Variants in FLNA observed in about 807,000 individuals in gnomAD.
FLNA encodes filamin-A.
In FLNA, 7 loss-of-function variants were observed where a neutral mutation model predicts 157.6. The observed-to-expected ratio is 0.04, with a 90% confidence interval of 0.03 to 0.08. The LOEUF (loss-of-function observed/expected upper bound fraction) is 0.08. Among genes scored for constraint, FLNA ranks in the 10% least tolerant of loss-of-function variants. The probability of loss-of-function intolerance (pLI) is 1.00; values close to 1 mark genes in which losing one functional copy is unlikely to be tolerated. For synonymous variants in FLNA, 1,103 were observed against 1,060.8 expected, an observed-to-expected ratio of 1.04 and a Z score of -0.77; for missense variants, 1,750 against 2,398.4, an observed-to-expected ratio of 0.73 and a Z score of 5.65.
At chrX:154,368,679 G>A (rs966738377) in intron 2 of FLNA, among the ~76,000 whole-genome samples, 3 of 112,704 alleles carry the variant, frequency 2.7e-5, no homozygotes, top group African/African-American at 9.7e-5. Context: ...TGTGACCCCC[G>A]CCACCACCCC....
Position 154,348,866 on chromosome X carries a change from G to C in FLNA, c.7927C>G (p.Arg2643Gly), listed in dbSNP as rs200836471. The C allele has an allele frequency of 8.3e-7, 1 of 1,207,393 alleles. No homozygotes were observed. The highest frequency in any genetic ancestry group is 1.1e-6 in the Non-Finnish European group (1 of 893,515). The change falls in exon 48 of 48, where the codon CGC (arginine) becomes GGC (glycine). Residue 2643 changes from arginine (R) to glycine (G), a missense_variant. Arg to Gly is a moderately radical substitution (Grantham distance 125). Transcript: ENST00000369850. ...CCCCAGACTCAGGGCACCACAACGCGGTAGGGGCTGCCTGGGATGTGCTCG... is the reference window on the plus strand; with the variant it reads ...CCCCAGACTCAGGGCACCACAACGCCGTAGGGGCTGCCTGGGATGTGCTCG... Reference protein sequence around the residue: ...GDEHIPGSPYRVVVP With the variant: ...GDEHIPGSPYGVVVP
In FLNA at chrX:154,354,980, C is replaced by T. The variant is rs782751731; in HGVS notation, c.5062G>A (p.Val1688Met). The change falls in exon 31 of 48, where the codon GTG becomes ATG. Residue 1688 changes from valine to methionine, a missense_variant. By Grantham distance (21) the Val-to-Met change is conservative. Coordinates refer to ENST00000369850, the MANE Select transcript of FLNA (RefSeq NM_001110556.2). ...AAGKGKVTCT[V>M]CTPDGSEVDV... Reference sequence around the variant, plus strand: ...ACCTCTGAGCCATCAGGCGTGCACACGGTGCACGTCACTTTGCCTTTGCCT... The same window carrying T: ...ACCTCTGAGCCATCAGGCGTGCACATGGTGCACGTCACTTTGCCTTTGCCT... 10 of 1,211,681 alleles carry T rather than the reference C, an allele frequency of 8.3e-6. No homozygotes were observed. In the East Asian group the frequency reaches 1.2e-4, roughly 14 times the overall value.
Position 154,348,727 on chromosome X carries a change from GGGGCGGCTGCAGTGACAGGC to G in FLNA, c.*102_*121del. 1.6e-6 allele frequency: 1 copy of G among 630,036 alleles called. No individual in the cohort carries two copies. 51.9% of individuals were successfully genotyped at this position (630,036 alleles called of 1,213,427 possible). A position where few individuals can be genotyped will look rare whatever the true frequency, so the allele number is the denominator to read the frequency against. ...GGTGAGCGCAGCACGGCACAGGGCAGGGGCGGCTGCAGTGACAGGCGGGCGGCCAGGGCGGCCTGGGCCGG... is the reference window on the plus strand; with the variant it reads ...GGTGAGCGCAGCACGGCACAGGGCAGGGGCGGCCAGGGCGGCCTGGGCCGG... On this transcript the variant is annotated 3_prime_UTR_variant, in exon 48 of 48. Coordinates refer to ENST00000369850, the MANE Select transcript of FLNA (RefSeq NM_001110556.2).
Position 154,348,834 on chromosome X carries a change from G to A in FLNA, c.*15C>T, listed in dbSNP as rs2067594722. ...GGGCAGGCTTGGGGGCTGCCGGCTGGCACGGGCCCCAGACTCAGGGCACCA... is the reference window on the plus strand; with the variant it reads ...GGGCAGGCTTGGGGGCTGCCGGCTGACACGGGCCCCAGACTCAGGGCACCA... On this transcript the variant is annotated 3_prime_UTR_variant, in exon 48 of 48. Transcript: ENST00000369850. The A allele has an allele frequency of 3.4e-6, 4 of 1,190,289 alleles. No homozygotes were observed. The East Asian group carries it at 1.2e-4, about 36-fold the overall frequency.
At position 154,355,010 on chromosome X, in the gene FLNA, C is replaced by T; in HGVS notation, c.5032G>A (p.Ala1678Thr). ...EETVITVDTK[A>T]AGKGKVTCTV... ...CACGTCACTTTGCCTTTGCCTGCCG[C>T]CTTAGTGTCCACAGTGATCACCGTC... Residue 1678 changes from alanine (A) to threonine (T), a missense_variant, in exon 31 of 48, where the codon GCG (alanine) becomes ACG (threonine). Ala to Thr is a moderately conservative substitution (Grantham distance 58). Coordinates refer to ENST00000369850, the MANE Select transcript of FLNA (RefSeq NM_001110556.2). 8.3e-7 allele frequency: 1 copy of T among 1,211,792 alleles called. No individual in the cohort carries two copies. The highest frequency in any genetic ancestry group is 1.8e-5 in the South Asian group (1 of 57,059).
chrX:154,351,306 A>G (rs907707649), intron 43 of FLNA: 94 of 439,016 alleles, frequency 2.1e-4, no homozygotes, highest in Non-Finnish European at 3.3e-4. Flanking sequence ...CAGCCTTGGC[A>G]GGCTGTCCCT....
rs1557175294 is a variant in FLNA, at chrX:154,349,485, G to C, written c.7633C>G (p.Pro2545Ala). 2 of 1,212,201 alleles carry C rather than the reference G, an allele frequency of 1.6e-6. No individual in the cohort carries two copies. The highest frequency in any genetic ancestry group is 4.3e-5 in the Admixed American group (2 of 46,197). The part of the protein sequence containing the change: ...VDSLTKATCA[P>A]QHGAPGPGPA... ...CCAGGACCCGGGGCCCCATGCTGGG[G>C]GGCACAGGTGGCCTTGGTCAGAGAG... The change falls in exon 47 of 48, where the codon CCC (proline) becomes GCC (alanine). Residue 2545 changes from proline (P) to alanine (A), a missense_variant. Physicochemically the swap from Pro to Ala is conservative, Grantham distance 27. Around this residue, in one of 5 missense-constraint regions of FLNA, gnomAD observed 970 missense variants for 1,302.6 expected, o/e 0.74. Coordinates refer to ENST00000369850, the MANE Select transcript of FLNA (RefSeq NM_001110556.2).
rs782289181 is a variant in FLNA at position 154,364,409 on chromosome X, C to T, written c.2023-37G>A. The T allele has an allele frequency of 2.4e-5, 29 of 1,190,989 alleles. No individual in the cohort carries two copies. The East Asian group carries it at 7.7e-4, about 32-fold the overall frequency. On this transcript the variant is annotated intron_variant, in intron 13 of 47. Transcript: ENST00000369850. ...CCACCCAGCTGTCAGGGGGCCAGGT[C>T]CAGGCTGCCAGAGCTACAACCCAGG...
chrX:154,348,837 C>G lies in FLNA; in HGVS notation c.*12G>C. The G allele has an allele frequency of 8.4e-7, 1 of 1,190,465 alleles. No homozygotes were observed. Among genetic ancestry groups the G allele is most frequent in the Non-Finnish European group, 1.1e-6 (1 of 880,507 alleles). ...CAGGCTTGGGGGCTGCCGGCTGGCA[C>G]GGGCCCCAGACTCAGGGCACCACAA... On this transcript the variant is annotated 3_prime_UTR_variant, in exon 48 of 48. Transcript: ENST00000369850.
intron 2 of FLNA, among the ~76,000 whole-genome samples, chrX:154,368,798 T>C: frequency 8.8e-6 from 1 of 113,099 alleles, no homozygotes; most frequent in Non-Finnish European, 1.9e-5. Context: ...CACATGGCCC[T>C]GACTCACTGG....
chrX:154,366,001 A>T, intron 9 of FLNA, 23 bp downstream of exon 9: 1 of 1,174,166 alleles, frequency 8.5e-7, no homozygotes, highest in Non-Finnish European at 1.1e-6. Flanking sequence ...GCCACAGCAG[A>T]GGGCAGTCAG....
Position 154,368,179 on chromosome X carries a change from G to A in FLNA, c.374-89C>T, listed in dbSNP as rs370679976. 4,832 of 1,159,199 alleles carry A rather than the reference G, an allele frequency of 4.2e-3. 11 individuals carry two copies. Among genetic ancestry groups the A allele is most frequent in the Non-Finnish European group, 5.2e-3 (4,424 of 852,374 alleles). ...TGGGGTCAGGGTCTGGCAGCACGGG[G>A]TAGCAGGGGCCAAGGAGGAGGTAGA... On this transcript the variant is annotated intron_variant, in intron 2 of 47. Coordinates refer to ENST00000369850, the MANE Select transcript of FLNA (RefSeq NM_001110556.2).
At chrX:154,357,207 C>T in intron 30 of FLNA, 44 bp downstream of exon 30, 1 of 1,181,682 alleles carries the variant, frequency 8.5e-7, no homozygotes, top group Non-Finnish European at 1.1e-6. Flanking sequence ...AGCTGCCCCT[C>T]TGGGCAGGAG....
Position 154,362,269 on chromosome X carries a change from C to G in FLNA, c.2629G>C (p.Ala877Pro), listed in dbSNP as rs377046577. 2.5e-6 allele frequency: 3 copies of G among 1,211,506 alleles called. No homozygotes were observed. Among genetic ancestry groups the G allele is most frequent in the Admixed American group, 4.3e-5 (2 of 46,099 alleles). The change falls in exon 18 of 48, where the codon GCC (alanine) becomes CCC (proline). Residue 877 changes from alanine to proline, a missense_variant. Ala to Pro is a conservative substitution (Grantham distance 27, BLOSUM62 -1). Around this residue, in one of 5 missense-constraint regions of FLNA, gnomAD observed 648 missense variants for 805.8 expected, o/e 0.80. Coordinates refer to ENST00000369850, the MANE Select transcript of FLNA (RefSeq NM_001110556.2). ...EPSHDASKVK[A>P]EGPGLSRTGV... ...GTGCGACTGAGGCCAGGGCCCTCGG[C>G]CTTCACCTTACTGGCGTCATGAGAG...
In FLNA at chrX:154,360,238, G is replaced by A. The variant is rs137853312; in HGVS notation, c.3557C>T (p.Ser1186Leu). 8.3e-7 allele frequency: 1 copy of A among 1,210,943 alleles called. No homozygotes were observed. The highest frequency in any genetic ancestry group is 1.1e-6 in the Non-Finnish European group (1 of 895,452). The change falls in exon 22 of 48, where the codon TCG becomes TTG. Residue 1186 changes from serine (S) to leucine (L), a missense_variant. Physicochemically the swap from Ser to Leu is moderately radical, Grantham distance 145. Around this residue, in one of 5 missense-constraint regions of FLNA, gnomAD observed 3 missense variants for 22.6 expected, o/e 0.13. Coordinates refer to ENST00000369850, the MANE Select transcript of FLNA (RefSeq NM_001110556.2). ...GGTCAGCTCCGCGCTGCCCGCGCTCGAGCAGTCCACTTGGAATTGGCCCAC... is the reference window on the plus strand; with the variant it reads ...GGTCAGCTCCGCGCTGCCCGCGCTCAAGCAGTCCACTTGGAATTGGCCCAC... ...GEVGQFQVDC[S>L]SAGSAELTIE...
At position 154,349,744 on chromosome X, in the gene FLNA, G is replaced by A; in HGVS notation, c.7457C>T (p.Thr2486Ile). Residue 2486 changes from threonine to isoleucine, a missense_variant, in exon 46 of 48, where the codon ACC becomes ATC. Thr to Ile is a moderately conservative substitution (Grantham distance 89). Transcript: ENST00000369850. ...GCTGCCAGGTGCCATGGGGGTATAG[G>A]TGACGCGGTAGCCCTCAGGGCACTC... is the stretch of plus-strand genomic sequence containing the variant. ...CQECPEGYRV[T>I]YTPMAPGSYL... 8.3e-7 allele frequency: 1 copy of A among 1,211,781 alleles called. No individual in the cohort carries two copies. Among genetic ancestry groups the A allele is most frequent in the Middle Eastern group, 2.3e-4 (1 of 4,345 alleles).
In FLNA at chrX:154,362,435, C is replaced by T; in HGVS notation, c.2548G>A (p.Val850Ile). 4 of 1,211,721 alleles carry T rather than the reference C, an allele frequency of 3.3e-6. No individual in the cohort carries two copies. Among genetic ancestry groups the T allele is most frequent in the South Asian group, 1.8e-5 (1 of 57,051 alleles). ...PRGAGSYTIMVLFADQATPTS... is the reference protein window; with the variant it reads ...PRGAGSYTIMILFADQATPTS... ...GCACCCACCTGGTCAGCAAAGAGGA[C>T]CATAATGGTGTAGCTGCCAGCCCCC... The change falls in exon 17 of 48, where the codon GTC becomes ATC. Residue 850 changes from valine (V) to isoleucine (I), a missense_variant. This residue lies in a region of FLNA where 648 missense variants were observed against 805.8 expected (regional missense o/e 0.80). Transcript: ENST00000369850.
rs782353479 is a variant in FLNA at position 154,364,700 on chromosome X, T to C, written c.1848A>G (p.Pro616=). The C allele has an allele frequency of 5.0e-6, 6 of 1,207,965 alleles. No homozygotes were observed. The highest frequency in any genetic ancestry group is 3.0e-5 in the East Asian group (1 of 33,704). Residue 616 remains proline (P), a synonymous_variant, in exon 13 of 48, where the codon CCA becomes CCG. Transcript: ENST00000369850. ...VGTLGFSVEG[P]SQAKIECDDK... The stretch of plus-strand genomic sequence containing the variant: ...CGTCACATTCGATCTTAGCCTGCGA[T>C]GGCCCTTCCACCGAGAAGCCTGACA...
In FLNA at chrX:154,354,374, C is replaced by T. The variant is rs1262234762; in HGVS notation, c.5416+7G>A. The T allele has an allele frequency of 6.6e-6, 8 of 1,211,331 alleles. No homozygotes were observed. Among genetic ancestry groups the T allele is most frequent in the Non-Finnish European group, 8.9e-6 (8 of 895,029 alleles). On this transcript the variant is annotated splice_region_variant and intron_variant, in intron 33 of 47. Transcript: ENST00000369850. ...GCTCCCGAGCTCCTTCCCAAGTCCC[C>T]ACTCACCTGTGATCTCGCCCTTCTT...
Sources: allele counts gnomAD v4.1 joint callset (sites outside exome capture counted in the v4.1 genomes callset), GRCh38; gene constraint gnomAD v4.1.1; regional missense constraint gnomAD v4.1.1; transcripts MANE v1.5; gene names NCBI Gene and HGNC (gene_info 2026-07-23, HGNC 2026-07-21).